PRR16: variants seen among roughly 807,000 people sequenced by gnomAD.
PRR16 encodes the protein proline rich 16.
Under a neutral mutation model 18.2 loss-of-function variants are expected in PRR16, and 6 were observed. The observed-to-expected ratio is 0.33, with a 90% CI of 0.18 to 0.65. The LOEUF is 0.65. PRR16 is among the 30% of genes least tolerant of loss of function. PRR16 has a pLI of 0.74. For missense variants in PRR16, 412 were observed against 376.6 expected (o/e 1.09, Z -0.78); for synonymous variants, 151 against 147.8 (o/e 1.02, Z -0.16).
At chr5:120,473,424 C>T (rs1749333114) in intron 1 of PRR16, among the ~76,000 whole-genome samples, 1 of 152,012 alleles carries the variant, frequency 6.6e-6, no homozygotes, top group Non-Finnish European at 1.5e-5. Flanking sequence ...TCAAATTGCT[C>T]TGCTGTGCAA....
chr5:120,496,435 A>T lies in PRR16; in HGVS notation c.159+31790A>T, dbSNP rs180880323. Among the ~76,000 whole-genome samples the T allele has an allele frequency of 2.6e-3, 397 of 152,074 alleles. 2 individuals carry two copies. Among genetic ancestry groups the T allele is most frequent in the African/African-American group, 9.1e-3 (378 of 41,544 alleles). ...TATTTCATATTGGATATGGTGAGGTAGTTTATGTTTTTCAAGGAACTGATG... is the reference window on the plus strand; with the variant it reads ...TATTTCATATTGGATATGGTGAGGTTGTTTATGTTTTTCAAGGAACTGATG... On this transcript the variant is annotated intron_variant, in intron 1 of 1. Transcript: ENST00000407149.
At chr5:120,576,332 C>T (rs989322887) in intron 1 of PRR16, among the ~76,000 whole-genome samples, 31 of 152,042 alleles carry the variant, frequency 2.0e-4, no homozygotes, top group Non-Finnish European at 2.6e-4. Flanking sequence ...ACAGAAACAA[C>T]ATGAATGAAA....
chr5:120,768,441 G>C, the PRR16 span, among the ~76,000 whole-genome samples: 7 of 151,090 alleles, frequency 4.6e-5, no homozygotes, highest in African/African-American at 1.7e-4. Context: ...AAAATTATCA[G>C]TTATTTGGTA....
chr5:120,703,918 A>G, the PRR16 span, among the ~76,000 whole-genome samples: 1 of 152,218 alleles, frequency 6.6e-6, no homozygotes, highest in African/African-American at 2.4e-5. Context: ...CTTTGTACAC[A>G]GAGATGAAAT....
the PRR16 span, among the ~76,000 whole-genome samples, chr5:120,706,044 A>C: frequency 2.6e-5 from 4 of 152,186 alleles, no homozygotes; most frequent in African/African-American, 9.6e-5. Flanking sequence ...CATGTAATCT[A>C]ATTAAATGGG....
chr5:120,759,804 A>T, the PRR16 span, among the ~76,000 whole-genome samples: 1 of 152,192 alleles, frequency 6.6e-6, no homozygotes. Context: ...AATTTTGGAT[A>T]GGATTTAGAG....
At chr5:120,512,559 CAT>C (rs1387822238) in intron 1 of PRR16, among the ~76,000 whole-genome samples, 5 of 152,090 alleles carry the variant, frequency 3.3e-5, no homozygotes, top group Non-Finnish European at 7.4e-5. Flanking sequence ...AGACTAGAAT[CAT>C]ATGTTTTCCT....
chr5:120,491,417 CCCTTTCCTTTCCTTT>C (rs200339193), intron 1 of PRR16, among the ~76,000 whole-genome samples: 59,231 of 130,836 alleles, frequency 0.45, 14,262 homozygotes, highest in East Asian at 0.64. Flanking sequence ...AAGGCATATA[CCCTTTCCTTTCCTTT>C]CCTTTCCTTT....
chr5:120,724,926 AATAT>A, the PRR16 span, among the ~76,000 whole-genome samples: 9 of 151,952 alleles, frequency 5.9e-5, no homozygotes, highest in African/African-American at 1.9e-4. Flanking sequence ...AATTAAAAAA[AATAT>A]ATATAGTATA....
chr5:120,692,798 C>G, the PRR16 span, among the ~76,000 whole-genome samples: 1 of 152,078 alleles, frequency 6.6e-6, no homozygotes, highest in Non-Finnish European at 1.5e-5. Flanking sequence ...CTGCTAAAAG[C>G]TTAGTGGGGG....
intron 1 of PRR16, among the ~76,000 whole-genome samples, chr5:120,581,331 T>G (rs1157696763): frequency 6.6e-6 from 1 of 152,204 alleles, no homozygotes; most frequent in Non-Finnish European, 1.5e-5. Context: ...TATTTTCTGA[T>G]AGTAGTTTGT....
intron 1 of PRR16, among the ~76,000 whole-genome samples, chr5:120,574,092 C>T (rs1047962384): frequency 6.6e-6 from 1 of 151,668 alleles, no homozygotes; most frequent in Non-Finnish European, 1.5e-5. Flanking sequence ...CATTAATAAC[C>T]TCAAAAACAT....
chr5:120,659,925 G>A (rs1477328253), intron 1 of PRR16, among the ~76,000 whole-genome samples: 1 of 152,002 alleles, frequency 6.6e-6, no homozygotes, highest in Non-Finnish European at 1.5e-5. Flanking sequence ...GGTTGCTGAA[G>A]TACCTGAGAT....
intron 1 of PRR16, among the ~76,000 whole-genome samples, chr5:120,625,018 C>G (rs1214283815): frequency 6.6e-6 from 1 of 152,212 alleles, no homozygotes; most frequent in Non-Finnish European, 1.5e-5. Context: ...CCACGTGGAA[C>G]TGTAAGTCCA....
intron 1 of PRR16, among the ~76,000 whole-genome samples, chr5:120,637,714 G>A (rs1379672081): frequency 2.0e-5 from 3 of 152,088 alleles, no homozygotes; most frequent in Admixed American, 2.0e-4. Flanking sequence ...CTCGGGTGAT[G>A]GGTATGCCAA....
In PRR16 at chr5:120,484,797, AT is replaced by A. The variant is rs1421653580; in HGVS notation, c.159+20159del. On this transcript the variant is annotated intron_variant, in intron 1 of 1. Transcript: ENST00000407149. The stretch of plus-strand genomic sequence containing the variant: ...TTGTAAAATAAAATGTGTCATATAT[AT>A]TTTTTTCTTATTTTCTTTCCTAGTA... Among the ~76,000 whole-genome samples, 5 of 150,640 alleles carry A rather than the reference AT, an allele frequency of 3.3e-5. No individual in the cohort carries two copies. The East Asian group carries it at 5.8e-4, about 17-fold the overall frequency.
chr5:120,734,251 G>A, the PRR16 span, among the ~76,000 whole-genome samples: 3 of 152,180 alleles, frequency 2.0e-5, no homozygotes, highest in Non-Finnish European at 1.5e-5. Flanking sequence ...CGCATAAGGG[G>A]AAGTAGCTGA....
chr5:120,735,825 T>C, the PRR16 span, among the ~76,000 whole-genome samples: 2 of 152,192 alleles, frequency 1.3e-5, no homozygotes, highest in Non-Finnish European at 2.9e-5. Context: ...CTTTTAAATT[T>C]GATATAGTCC....
the PRR16 span, among the ~76,000 whole-genome samples, chr5:120,751,854 T>C: frequency 2.7e-3 from 417 of 152,198 alleles, no homozygotes; most frequent in Middle Eastern, 0.01. Context: ...TAGGCCTTTA[T>C]GTATTTATGT....
Sources: allele counts gnomAD v4.1 joint callset (sites outside exome capture counted in the v4.1 genomes callset), GRCh38; gene constraint gnomAD v4.1.1; transcripts MANE v1.5; gene names NCBI Gene and HGNC (gene_info 2026-07-23, HGNC 2026-07-21).